OIT3: variants seen among roughly 807,000 people sequenced by gnomAD.
OIT3 encodes oncoprotein-induced transcript 3 protein.
Under a neutral mutation model 52.2 loss-of-function variants are expected in OIT3, and 41 were observed. The ratio of observed to expected loss-of-function variants is 0.79; its 90% CI spans 0.61 to 1.02. The LOEUF (loss-of-function observed/expected upper bound fraction) is 1.02, where lower values mean the gene tolerates loss of function less well. Ranked by LOEUF, OIT3 falls within the 50% of genes least tolerant of loss-of-function variation. OIT3 has a pLI of 0.00. For missense variants in OIT3, 634 were observed against 715.5 expected (o/e 0.89, Z 1.30); for synonymous variants, 244 against 276.9 (o/e 0.88, Z 1.18).
At chr10:72,896,817 T>G (rs1845879059) in intron 1 of OIT3, among the ~76,000 whole-genome samples, 1 of 152,210 alleles carries the variant, frequency 6.6e-6, no homozygotes, top group Non-Finnish European at 1.5e-5. Flanking sequence ...GTTACGTAAG[T>G]CAACCTCATG....
chr10:72,921,891 C>T (rs549216150), intron 6 of OIT3, among the ~76,000 whole-genome samples: 67 of 152,064 alleles, frequency 4.4e-4, no homozygotes, highest in African/African-American at 1.5e-3. Flanking sequence ...AGGCTGGTCT[C>T]GAACTCCTGA....
In OIT3 at chr10:72,932,591, C is replaced by G; in HGVS notation, c.*67C>G. Reference sequence around the variant, plus strand: ...TCTTTGGAGCTTCTCCCCCCACCGCCCTCTAAGAACATCTGCCAACAGCTG... The same window carrying G: ...TCTTTGGAGCTTCTCCCCCCACCGCGCTCTAAGAACATCTGCCAACAGCTG... On this transcript the variant is annotated 3_prime_UTR_variant, in exon 9 of 9. Coordinates refer to ENST00000334011, the MANE Select transcript of OIT3 (RefSeq NM_152635.3). The G allele has an allele frequency of 7.1e-7, 1 of 1,410,654 alleles. No individual in the cohort carries two copies. 87.4% of individuals were successfully genotyped at this position (1,410,654 alleles called of 1,614,324 possible). A position where few individuals can be genotyped will look rare whatever the true frequency, so the allele number is the denominator to read the frequency against.
intron 5 of OIT3, 64 bp downstream of exon 5, chr10:72,911,903 T>C: frequency 2.0e-6 from 3 of 1,463,844 alleles, no homozygotes; most frequent in Non-Finnish European, 2.8e-6. Context: ...CCCAAAGCTC[T>C]TTGTCTTCCT....
intron 2 of OIT3, among the ~76,000 whole-genome samples, chr10:72,899,322 C>T (rs1352573171): frequency 2.0e-5 from 3 of 152,128 alleles, no homozygotes; most frequent in Non-Finnish European, 2.9e-5. Flanking sequence ...TTGGGCCAGG[C>T]GCAGTGGCTC....
At chr10:72,923,833 C>T (rs540871863) in intron 6 of OIT3, among the ~76,000 whole-genome samples, 2 of 152,284 alleles carry the variant, frequency 1.3e-5, no homozygotes, top group Middle Eastern at 3.4e-3. Context: ...GCTGGAATGG[C>T]TGAGTTGTCC....
intron 2 of OIT3, among the ~76,000 whole-genome samples, chr10:72,900,101 T>A (rs1385285403): frequency 6.6e-6 from 1 of 152,174 alleles, no homozygotes; most frequent in Non-Finnish European, 1.5e-5. Flanking sequence ...CCCTGAACAA[T>A]GAGGATTCCC....
chr10:72,917,310 T>C (rs1846081377), intron 6 of OIT3, among the ~76,000 whole-genome samples: 1 of 151,688 alleles, frequency 6.6e-6, no homozygotes, highest in Admixed American at 6.6e-5. Flanking sequence ...CATTTAAGGT[T>C]TTTTTTTTAC....
intron 6 of OIT3, among the ~76,000 whole-genome samples, chr10:72,919,228 C>A (rs1317821808): frequency 6.6e-6 from 1 of 152,082 alleles, no homozygotes; most frequent in Non-Finnish European, 1.5e-5. Context: ...AATGGGAGTT[C>A]ATTTGTGATT....
intron 6 of OIT3, 92 bp downstream of exon 6, chr10:72,913,560 C>T (rs570195427): frequency 6.0e-6 from 6 of 1,000,452 alleles, no homozygotes; most frequent in East Asian, 4.8e-5. Flanking sequence ...CTTGTGTCAT[C>T]GATGAGATAT....
intron 3 of OIT3, among the ~76,000 whole-genome samples, chr10:72,901,061 C>G (rs1845930745): frequency 6.6e-6 from 1 of 151,924 alleles, no homozygotes; most frequent in Non-Finnish European, 1.5e-5. Flanking sequence ...GAACGAGACT[C>G]TGTTTCTAAA....
chr10:72,894,494 T>A (rs1361499127), intron 1 of OIT3, among the ~76,000 whole-genome samples: 1 of 152,170 alleles, frequency 6.6e-6, no homozygotes, highest in Non-Finnish European at 1.5e-5. Context: ...GAGAGAACCA[T>A]CCTTCTTGAC....
chr10:72,913,560 C>A, intron 6 of OIT3, 92 bp downstream of exon 6: 1 of 1,000,446 alleles, frequency 1.0e-6, no homozygotes, highest in Non-Finnish European at 1.6e-6. Flanking sequence ...CTTGTGTCAT[C>A]GATGAGATAT....
At chr10:72,931,916 G>A (rs1040461547) in intron 8 of OIT3, among the ~76,000 whole-genome samples, 2 of 152,164 alleles carry the variant, frequency 1.3e-5, no homozygotes, top group African/African-American at 4.8e-5. Flanking sequence ...CCTCAATCAG[G>A]CAGGAAGCTC....
intron 3 of OIT3, 64 bp from the exon 4 acceptor site, chr10:72,906,532 C>A: frequency 1.3e-6 from 2 of 1,594,434 alleles, no homozygotes; most frequent in Admixed American, 1.7e-5. Flanking sequence ...AAATTCTGCC[C>A]GGGGGGTTGG....
rs1451932684 is a variant in OIT3 at position 72,924,567 on chromosome 10, A to G, written c.1290A>G (p.Glu430=). 3.1e-6 allele frequency: 5 copies of G among 1,614,088 alleles called. No individual in the cohort carries two copies. Among genetic ancestry groups the G allele is most frequent in the Non-Finnish European group, 4.2e-6 (5 of 1,180,004 alleles). ...CCGTGGTGCACGTGAGCGGCTTGGA[A>G]AGCTTGGTGGAGAGCTGCTTTGCCA... ...IEPVVHVSGL[E]SLVESCFATP... Residue 430 remains glutamate (E), a synonymous_variant, in exon 7 of 9, where the codon GAA becomes GAG. Transcript: ENST00000334011.
intron 4 of OIT3, among the ~76,000 whole-genome samples, chr10:72,907,270 CA>C (rs913264998): frequency 2.2e-4 from 32 of 145,520 alleles, no homozygotes; most frequent in Middle Eastern, 6.9e-3. Context: ...GAAAATATCT[CA>C]AAAAAAAAAG....
rs757795414 is a variant in OIT3, at chr10:72,898,864, C to A, written c.262C>A (p.Leu88Ile). ...CTGTGGAACCCACGCACCTGTCTGG[C>A]TCAATGGCAGCCACCCCCTAGAAGG... ...NHCGTHAPVW[L>I]NGSHPLEGDG... Residue 88 changes from leucine to isoleucine, a missense_variant, in exon 2 of 9, where the codon CTC (leucine) becomes ATC (isoleucine). Transcript: ENST00000334011. 1 of 1,614,174 alleles carries A rather than the reference C, an allele frequency of 6.2e-7. No individual in the cohort carries two copies. Among genetic ancestry groups the A allele is most frequent in the Non-Finnish European group, 8.5e-7 (1 of 1,180,016 alleles).
At chr10:72,911,030 T>C (rs1263014626) in intron 4 of OIT3, among the ~76,000 whole-genome samples, 1 of 152,234 alleles carries the variant, frequency 6.6e-6, no homozygotes, top group Admixed American at 6.5e-5. Flanking sequence ...TAGATTCTTT[T>C]GTTTTCAATG....
rs1416675536 is a variant in OIT3 at position 72,898,668 on chromosome 10, A to G, written c.66A>G (p.Leu22=). Reference sequence around the variant, plus strand: ...AGGTATCTTTTTCATTTCCAGCCCTAGATCCTTGTTCTGCTTACATCAGCC... The same window carrying G: ...AGGTATCTTTTTCATTTCCAGCCCTGGATCCTTGTTCTGCTTACATCAGCC... The part of the protein sequence containing the change: ...ITGTSVSPVA[L]DPCSAYISLN... Residue 22 remains leucine (L), a synonymous_variant, in exon 2 of 9, where the codon CTA becomes CTG. Coordinates refer to ENST00000334011, the MANE Select transcript of OIT3 (RefSeq NM_152635.3). The G allele has an allele frequency of 1.9e-6, 3 of 1,602,382 alleles. No individual in the cohort carries two copies. The highest frequency in any genetic ancestry group is 1.3e-5 in the African/African-American group (1 of 74,684).
Sources: allele counts gnomAD v4.1 joint callset (sites outside exome capture counted in the v4.1 genomes callset), GRCh38; gene constraint gnomAD v4.1.1; transcripts MANE v1.5; gene names NCBI Gene and HGNC (gene_info 2026-07-23, HGNC 2026-07-21).